Variants in GABRB1 observed in about 807,000 individuals in gnomAD.
GABRB1 encodes gamma-aminobutyric acid receptor subunit beta-1.
In GABRB1, 17 loss-of-function variants were observed where a neutral mutation model predicts 51.6. The observed-to-expected ratio is 0.33, with a 90% confidence interval of 0.23 to 0.49. The LOEUF (loss-of-function observed/expected upper bound fraction) is 0.49. GABRB1 is among the 20% of genes least tolerant of loss of function. GABRB1 has a pLI of 0.99. For missense variants in GABRB1, 410 were observed against 600.6 expected (o/e 0.68, Z 3.32); for synonymous variants, 247 against 218.9 (o/e 1.13, Z -1.14).
At chr4:47,104,964 ATTTTG>A (rs1040883313) in intron 3 of GABRB1, among the ~76,000 whole-genome samples, 6 of 151,738 alleles carry the variant, frequency 4.0e-5, no homozygotes, top group African/African-American at 1.2e-4. Flanking sequence ...CAGCACATTT[ATTTTG>A]TTTTATTTTT....
At chr4:47,104,470 C>T (rs1714865262) in intron 3 of GABRB1, among the ~76,000 whole-genome samples, 2 of 151,460 alleles carry the variant, frequency 1.3e-5, no homozygotes, top group South Asian at 4.2e-4. Context: ...ATTCTCATGA[C>T]TGACCATTAT....
chr4:47,079,006 C>T (rs552126014), intron 3 of GABRB1, among the ~76,000 whole-genome samples: 7 of 152,228 alleles, frequency 4.6e-5, no homozygotes, highest in Non-Finnish European at 1.5e-5. Flanking sequence ...CTGCTGGATT[C>T]GGTTTGCCAG....
intron 1 of GABRB1, among the ~76,000 whole-genome samples, chr4:47,020,139 C>T (rs1354573175): frequency 6.6e-6 from 1 of 151,942 alleles, no homozygotes; most frequent in East Asian, 1.9e-4. Flanking sequence ...CTGCCTTCTC[C>T]TTTTGTCCTC....
chr4:47,076,755 C>T (rs1727569273), intron 3 of GABRB1, among the ~76,000 whole-genome samples: 1 of 152,166 alleles, frequency 6.6e-6, no homozygotes, highest in Non-Finnish European at 1.5e-5. Context: ...TAAATCTCTT[C>T]TCTCCCAGAG....
chr4:47,415,861 T>A (rs529694050), intron 8 of GABRB1, among the ~76,000 whole-genome samples: 1 of 152,304 alleles, frequency 6.6e-6, no homozygotes, highest in East Asian at 1.9e-4. Context: ...ACCCTGGAGA[T>A]CCTAGACATT....
intron 8 of GABRB1, among the ~76,000 whole-genome samples, chr4:47,411,670 T>C (rs1205036161): frequency 6.6e-6 from 1 of 152,192 alleles, no homozygotes; most frequent in African/African-American, 2.4e-5. Flanking sequence ...CTTTCCTGAC[T>C]TTGATATTAT....
At chr4:47,015,443 A>T (rs915151174) in intron 1 of GABRB1, among the ~76,000 whole-genome samples, 6 of 152,328 alleles carry the variant, frequency 3.9e-5, no homozygotes, top group Non-Finnish European at 7.3e-5. Context: ...AATAGATTAT[A>T]TTAGCCTAAA....
intron 5 of GABRB1, among the ~76,000 whole-genome samples, chr4:47,360,217 G>C (rs1726751888): frequency 6.6e-6 from 1 of 151,974 alleles, no homozygotes; most frequent in African/African-American, 2.4e-5. Context: ...TGTGATATGG[G>C]ATAAGGAAGA....
chr4:47,126,258 G>A (rs936504283), intron 3 of GABRB1, among the ~76,000 whole-genome samples: 3 of 152,110 alleles, frequency 2.0e-5, no homozygotes, highest in Non-Finnish European at 4.4e-5. Flanking sequence ...AATAGAATAG[G>A]TTTGGGCCAA....
chr4:47,335,597 T>G (rs895161693), intron 5 of GABRB1, among the ~76,000 whole-genome samples: 1 of 152,176 alleles, frequency 6.6e-6, no homozygotes, highest in Admixed American at 6.5e-5. Context: ...CTTCCTAGTT[T>G]AATGAAGTTT....
At chr4:47,287,063 G>A (rs1219341802) in intron 4 of GABRB1, among the ~76,000 whole-genome samples, 1 of 152,144 alleles carries the variant, frequency 6.6e-6, no homozygotes, top group Non-Finnish European at 1.5e-5. Context: ...TGTTCTGTGA[G>A]CTATGTTTCT....
At chr4:47,378,193 C>T (rs1166162915) in intron 5 of GABRB1, among the ~76,000 whole-genome samples, 7 of 152,332 alleles carry the variant, frequency 4.6e-5, no homozygotes, top group South Asian at 2.1e-4. Context: ...CGAACCCTGC[C>T]CCGCGGGAAG....
At chr4:47,031,276 G>T (rs1210966453), upstream of GABRB1, 1 of 198,978 alleles carries the variant, frequency 5.0e-6, no homozygotes, top group Non-Finnish European at 1.0e-5. Flanking sequence ...CCAATCACAG[G>T]CAGCCTTAGC....
chr4:47,329,886 A>G (rs190181570), intron 5 of GABRB1, among the ~76,000 whole-genome samples: 1 of 152,016 alleles, frequency 6.6e-6, no homozygotes, highest in Non-Finnish European at 1.5e-5. Context: ...AGACAGATTT[A>G]TTATAAGGAA....
At chr4:47,414,249 C>T (rs1404454638) in intron 8 of GABRB1, among the ~76,000 whole-genome samples, 2 of 152,194 alleles carry the variant, frequency 1.3e-5, no homozygotes, top group East Asian at 3.9e-4. Flanking sequence ...GCCTATGACA[C>T]AGCCTCAGGA....
intron 5 of GABRB1, among the ~76,000 whole-genome samples, chr4:47,401,110 G>C (rs148776943): frequency 1.5e-3 from 229 of 151,896 alleles, no homozygotes; most frequent in African/African-American, 5.2e-3. Flanking sequence ...TGGGCACTTA[G>C]GTTGACTCCA....
chr4:47,362,434 AG>A (rs1726841782), intron 5 of GABRB1, among the ~76,000 whole-genome samples: 1 of 152,172 alleles, frequency 6.6e-6, no homozygotes, highest in Non-Finnish European at 1.5e-5. Context: ...CTGTAATGAG[AG>A]TATCTCAGAA....
At chr4:47,218,381 G>C (rs927993095) in intron 4 of GABRB1, among the ~76,000 whole-genome samples, 8 of 151,718 alleles carry the variant, frequency 5.3e-5, no homozygotes, top group African/African-American at 1.9e-4. Context: ...TTGTATAGTT[G>C]TTCTATTTTT....
chr4:47,018,655 C>T (rs1255155768), intron 1 of GABRB1, among the ~76,000 whole-genome samples: 1 of 152,056 alleles, frequency 6.6e-6, no homozygotes, highest in East Asian at 1.9e-4. Context: ...ATATGACATG[C>T]ATTGGGTACT....
Sources: gnomAD v4.1 joint callset for allele counts (sites outside exome capture counted in the v4.1 genomes callset) on GRCh38, gnomAD v4.1.1 for gene constraint, MANE v1.5 for transcripts, NCBI Gene and HGNC (gene_info 2026-07-23, HGNC 2026-07-21) for gene names.